The following LRMDA variants were observed in gnomAD, a reference collection of about 807,000 sequenced individuals.
LRMDA encodes leucine-rich melanocyte differentiation-associated protein.
In LRMDA, 18 loss-of-function variants were observed where a neutral mutation model predicts 29.8. The ratio of observed to expected loss-of-function variants is 0.60; its 90% CI spans 0.42 to 0.90. The LOEUF (loss-of-function observed/expected upper bound fraction) is 0.90, where lower values mean the gene tolerates loss of function less well. Among genes scored for constraint, LRMDA ranks in the 40% least tolerant of loss-of-function variants. The pLI, the probability that LRMDA is intolerant of heterozygous loss-of-function variation, is 0.00. For synonymous variants in LRMDA, 125 were observed against 109.4 expected (o/e 1.14, Z -0.89); for missense variants, 273 against 273.9 (o/e 1.00, Z 0.02).
At chr10:75,460,386 A>G (rs1200750227) in intron 2 of LRMDA, among the ~76,000 whole-genome samples, 2 of 152,120 alleles carry the variant, frequency 1.3e-5, no homozygotes, top group Non-Finnish European at 2.9e-5. Flanking sequence ...ATTTGGAGAA[A>G]CTCTGAAAGC....
At chr10:75,782,869 CA>C in intron 2 of LRMDA, 1 of 1,575,332 alleles carries the variant, frequency 6.3e-7, no homozygotes, top group East Asian at 2.3e-5. Flanking sequence ...CCCTTGCCCC[CA>C]AAGCCGTGGA....
chr10:76,133,732 T>C (rs1850042551), intron 5 of LRMDA, among the ~76,000 whole-genome samples: 1 of 152,246 alleles, frequency 6.6e-6, no homozygotes, highest in Non-Finnish European at 1.5e-5. Flanking sequence ...TGGAAAATGA[T>C]TGATGAGCTG....
intron 2 of LRMDA, among the ~76,000 whole-genome samples, chr10:75,934,196 T>G (rs1846249661): frequency 6.6e-6 from 1 of 152,234 alleles, no homozygotes; most frequent in African/African-American, 2.4e-5. Flanking sequence ...GCTTTCTTTA[T>G]GGCATAAACA....
chr10:76,418,136 A>G (rs916590001), intron 6 of LRMDA, among the ~76,000 whole-genome samples: 42 of 152,132 alleles, frequency 2.8e-4, no homozygotes, highest in Admixed American at 1.2e-3. Context: ...TTTTAGAATC[A>G]TATGTGTCCT....
At chr10:75,447,281 G>A (rs2132028406) in intron 2 of LRMDA, among the ~76,000 whole-genome samples, 1 of 152,288 alleles carries the variant, frequency 6.6e-6, no homozygotes, top group South Asian at 2.1e-4. Flanking sequence ...ATGAAAAGAT[G>A]AAGTGGAAAA....
intron 6 of LRMDA, among the ~76,000 whole-genome samples, chr10:76,461,756 C>G (rs1842514126): frequency 6.6e-6 from 1 of 152,040 alleles, no homozygotes; most frequent in African/African-American, 2.4e-5. Context: ...GTGTTTTACA[C>G]AGAATCACCT....
At chr10:76,179,532 T>C (rs182681017) in intron 5 of LRMDA, among the ~76,000 whole-genome samples, 1 of 152,278 alleles carries the variant, frequency 6.6e-6, no homozygotes, top group Admixed American at 6.5e-5. Flanking sequence ...CTTATGACGA[T>C]GTTTTGAAGA....
intron 2 of LRMDA, among the ~76,000 whole-genome samples, chr10:75,544,365 A>G (rs1190222528): frequency 6.6e-6 from 1 of 152,210 alleles, no homozygotes; most frequent in Non-Finnish European, 1.5e-5. Flanking sequence ...CTATCTCACA[A>G]AATTTATTTC....
intron 6 of LRMDA, among the ~76,000 whole-genome samples, chr10:76,478,670 G>A (rs1309482082): frequency 1.3e-5 from 2 of 152,028 alleles, no homozygotes; most frequent in Non-Finnish European, 2.9e-5. Flanking sequence ...ATGATAGACT[G>A]GATTAAGAAA....
intron 6 of LRMDA, among the ~76,000 whole-genome samples, chr10:76,357,824 G>A (rs1308352347): frequency 2.6e-5 from 4 of 152,240 alleles, no homozygotes; most frequent in Admixed American, 2.0e-4. Context: ...CCTGGCCTTC[G>A]TGGTTCTTTC....
At chr10:76,467,969 GT>G (rs1335675125) in intron 6 of LRMDA, among the ~76,000 whole-genome samples, 1 of 152,092 alleles carries the variant, frequency 6.6e-6, no homozygotes, top group African/African-American at 2.4e-5. Flanking sequence ...GATTCAGAGC[GT>G]TTACATAATC....
chr10:75,946,375 C>T (rs1432505563), intron 2 of LRMDA, among the ~76,000 whole-genome samples: 1 of 152,206 alleles, frequency 6.6e-6, no homozygotes, highest in Non-Finnish European at 1.5e-5. Context: ...CACCAAATGT[C>T]ACTGTGCCCC....
intron 5 of LRMDA, among the ~76,000 whole-genome samples, chr10:76,174,501 C>A (rs1423279657): frequency 6.6e-6 from 1 of 152,070 alleles, no homozygotes; most frequent in Non-Finnish European, 1.5e-5. Flanking sequence ...TAAATAGGGA[C>A]CTTTTCCTAA....
At chr10:75,574,533 A>T (rs1840478882) in intron 2 of LRMDA, among the ~76,000 whole-genome samples, 1 of 152,080 alleles carries the variant, frequency 6.6e-6, no homozygotes. Context: ...TCATGTTTTA[A>T]AACTCCCCAC....
chr10:75,659,479 G>C (rs978249472), intron 2 of LRMDA, among the ~76,000 whole-genome samples: 1 of 152,104 alleles, frequency 6.6e-6, no homozygotes, highest in East Asian at 1.9e-4. Context: ...AATGATTGGA[G>C]ATTCTGCCAT....
At chr10:76,156,556 A>G (rs1277266265) in intron 5 of LRMDA, among the ~76,000 whole-genome samples, 1 of 143,090 alleles carries the variant, frequency 7.0e-6, no homozygotes, top group Non-Finnish European at 1.5e-5. Flanking sequence ...TGACAGGAAG[A>G]GTTGCTGAAA....
At chr10:76,423,652 A>G (rs968636292) in intron 6 of LRMDA, among the ~76,000 whole-genome samples, 1 of 152,206 alleles carries the variant, frequency 6.6e-6, no homozygotes, top group Non-Finnish European at 1.5e-5. Flanking sequence ...AGGGAATGGC[A>G]CTGTTTCAAA....
chr10:75,547,215 A>G (rs1490070808), intron 2 of LRMDA, among the ~76,000 whole-genome samples: 1 of 152,184 alleles, frequency 6.6e-6, no homozygotes, highest in Non-Finnish European at 1.5e-5. Flanking sequence ...ACCCAACTTC[A>G]TGTTTCAGGA....
intron 2 of LRMDA, among the ~76,000 whole-genome samples, chr10:75,726,453 T>C (rs947226095): frequency 6.6e-6 from 1 of 152,192 alleles, no homozygotes; most frequent in Non-Finnish European, 1.5e-5. Flanking sequence ...ATTGTTGACT[T>C]TATGGTTATA....
Sources: gnomAD v4.1 joint callset for allele counts (sites outside exome capture counted in the v4.1 genomes callset) on GRCh38, gnomAD v4.1.1 for gene constraint, MANE v1.5 for transcripts, NCBI Gene and HGNC (gene_info 2026-07-23, HGNC 2026-07-21) for gene names.